Variants in OPCML observed in about 807,000 individuals in gnomAD.
OPCML encodes the protein opioid-binding protein/cell adhesion molecule.
Under a neutral mutation model 37.8 loss-of-function variants are expected in OPCML, and 13 were observed. The observed-to-expected ratio is 0.34, with a 90% CI of 0.22 to 0.55. The LOEUF (loss-of-function observed/expected upper bound fraction) is 0.55, where lower values mean the gene tolerates loss of function less well. OPCML is among the 20% of genes least tolerant of loss of function. The pLI is 0.91. For missense variants in OPCML, 341 were observed against 435.6 expected (o/e 0.78, Z 1.93); for synonymous variants, 176 against 168.8 (o/e 1.04, Z -0.33).
At chr11:132,854,768 G>A (rs571816454) in intron 2 of OPCML, among the ~76,000 whole-genome samples, 1 of 152,358 alleles carries the variant, frequency 6.6e-6, no homozygotes, top group East Asian at 1.9e-4. Flanking sequence ...GAGCTATTAT[G>A]AGTAACTGAG....
chr11:133,366,170 A>G (rs968665932), intron 1 of OPCML: 1 of 152,250 alleles, frequency 6.6e-6, no homozygotes, highest in African/African-American at 2.4e-5. Context: ...CCTTCTCAAC[A>G]AATGTTTCAC....
At chr11:133,486,567 T>A (rs1400149884) in intron 1 of OPCML, among the ~76,000 whole-genome samples, 6 of 152,144 alleles carry the variant, frequency 3.9e-5, no homozygotes, top group Non-Finnish European at 8.8e-5. Flanking sequence ...TCGACATCTA[T>A]GTGGGATTTC....
rs187422524 is a variant in OPCML at position 132,521,629 on chromosome 11, G to A, written c.505+7432C>T. On this transcript the variant is annotated intron_variant, in intron 4 of 7. Coordinates refer to ENST00000524381, the MANE Select transcript of OPCML (RefSeq NM_001012393.5). The stretch of plus-strand genomic sequence containing the variant: ...TCGGGGTGTGAGGGGGAAGGGGAGC[G>A]TGAGCATTAAGACAAATACCTAATG... 1.3e-3 allele frequency among the ~76,000 whole-genome samples: 202 copies of A among 152,108 alleles called. 1 individual carries two copies. Among genetic ancestry groups the A allele is most frequent in the South Asian group, 2.5e-3 (12 of 4,808 alleles).
intron 1 of OPCML, among the ~76,000 whole-genome samples, chr11:133,162,544 G>A (rs1217436356): frequency 6.6e-6 from 1 of 152,214 alleles, no homozygotes; most frequent in Non-Finnish European, 1.5e-5. Context: ...AGAGGGTGTG[G>A]ATCTGGGACT....
At chr11:132,877,520 G>A (rs934071847) in intron 2 of OPCML, among the ~76,000 whole-genome samples, 3 of 152,128 alleles carry the variant, frequency 2.0e-5, no homozygotes, top group African/African-American at 4.8e-5. Flanking sequence ...GGGGCAGCAG[G>A]GGAATGCTTA....
At chr11:133,457,398 G>A (rs1313246464) in intron 1 of OPCML, among the ~76,000 whole-genome samples, 1 of 151,956 alleles carries the variant, frequency 6.6e-6, no homozygotes, top group Non-Finnish European at 1.5e-5. Context: ...AATCAACTGG[G>A]CATGGTGGTG....
chr11:133,454,081 A>T (rs1423800002), intron 1 of OPCML, among the ~76,000 whole-genome samples: 1 of 152,196 alleles, frequency 6.6e-6, no homozygotes, highest in Non-Finnish European at 1.5e-5. Flanking sequence ...ATAGTCGGCG[A>T]TTCTCCTTAG....
chr11:133,295,308 T>C (rs933121180), intron 1 of OPCML, among the ~76,000 whole-genome samples: 3 of 152,230 alleles, frequency 2.0e-5, no homozygotes, highest in Non-Finnish European at 4.4e-5. Context: ...AATTTCTTCA[T>C]TGATAGAAGT....
chr11:132,500,759 G>A (rs11824103), intron 4 of OPCML, among the ~76,000 whole-genome samples: 5,229 of 151,926 alleles, frequency 0.034, 280 homozygotes, highest in African/African-American at 0.12. Flanking sequence ...CTGTGTCCAC[G>A]TGTTCTCATT....
intron 1 of OPCML, among the ~76,000 whole-genome samples, chr11:133,380,968 A>G (rs1008976602): frequency 6.6e-6 from 1 of 152,204 alleles, no homozygotes; most frequent in Non-Finnish European, 1.5e-5. Context: ...CAGATAAAAC[A>G]ATTAGCCTTG....
At chr11:133,350,841 T>C (rs1047031029) in intron 1 of OPCML, among the ~76,000 whole-genome samples, 24 of 152,170 alleles carry the variant, frequency 1.6e-4, no homozygotes, top group African/African-American at 5.8e-4. Flanking sequence ...TCAGTGAACA[T>C]TTCCAACATA....
At chr11:133,384,808 C>G (rs773325742) in intron 1 of OPCML, among the ~76,000 whole-genome samples, 11 of 152,228 alleles carry the variant, frequency 7.2e-5, no homozygotes, top group Non-Finnish European at 1.6e-4. Context: ...GACATGTGAC[C>G]TCCTGGATCT....
chr11:133,433,483 T>C (rs1017475527), intron 1 of OPCML, among the ~76,000 whole-genome samples: 3 of 152,216 alleles, frequency 2.0e-5, no homozygotes, highest in African/African-American at 7.2e-5. Flanking sequence ...ATGAGCTACA[T>C]GTTTTACAAA....
chr11:132,459,550 T>G (rs1217094645), intron 4 of OPCML, among the ~76,000 whole-genome samples: 1 of 148,578 alleles, frequency 6.7e-6, no homozygotes, highest in Non-Finnish European at 1.5e-5. Context: ...TATATATAGA[T>G]AGAGAGAGAG....
rs187078061 is a variant in OPCML, at chr11:133,218,098, C to T, written c.62-275088G>A. Among the ~76,000 whole-genome samples the T allele has an allele frequency of 1.7e-3, 257 of 151,194 alleles. 2 individuals are homozygous for T. Among genetic ancestry groups the T allele is most frequent in the East Asian group, 6.0e-3 (31 of 5,156 alleles). ...AAGAAGTCTTGCTGAACCTGCTTCA[C>T]GCCGGGGTTTTGTGTAACTAGGGTG... On this transcript the variant is annotated intron_variant, in intron 1 of 7. Transcript: ENST00000524381.
At chr11:132,711,937 A>G (rs78923572) in intron 2 of OPCML, among the ~76,000 whole-genome samples, 1,678 of 152,286 alleles carry the variant, frequency 0.011, 21 homozygotes, top group African/African-American at 0.037. Flanking sequence ...TATTCAACTA[A>G]ATAGAAACAA....
At chr11:133,193,730 G>C (rs1790111653) in intron 1 of OPCML, among the ~76,000 whole-genome samples, 1 of 152,116 alleles carries the variant, frequency 6.6e-6, no homozygotes, top group African/African-American at 2.4e-5. Context: ...AAAGTCTTCA[G>C]GAGGAAAAAA....
At chr11:133,403,023 C>T (rs974680110) in intron 1 of OPCML, among the ~76,000 whole-genome samples, 1 of 152,180 alleles carries the variant, frequency 6.6e-6, no homozygotes, top group Non-Finnish European at 1.5e-5. Flanking sequence ...ATGGCAATTG[C>T]TGGCTTGCCT....
intron 4 of OPCML, among the ~76,000 whole-genome samples, chr11:132,447,651 A>T (rs529363184): frequency 6.6e-6 from 1 of 152,214 alleles, no homozygotes; most frequent in Admixed American, 6.5e-5. Flanking sequence ...TCTTTAAAGT[A>T]CACTGGTCTG....
Sources: gnomAD v4.1 joint callset for allele counts (sites outside exome capture counted in the v4.1 genomes callset) on GRCh38, gnomAD v4.1.1 for gene constraint, MANE v1.5 for transcripts, NCBI Gene and HGNC (gene_info 2026-07-23, HGNC 2026-07-21) for gene names.